The following PID1 variants were observed in gnomAD, a reference collection of about 807,000 sequenced individuals.
The protein encoded by PID1 is PTB-containing, cubilin and LRP1-interacting protein.
In PID1, 10 loss-of-function variants were observed where a neutral mutation model predicts 19.1. That is an observed-to-expected ratio of 0.52 (90% CI 0.32 to 0.89). The LOEUF (loss-of-function observed/expected upper bound fraction) is 0.89. Among genes scored for constraint, PID1 ranks in the 40% least tolerant of loss-of-function variants. The pLI, the probability that PID1 is intolerant of heterozygous loss-of-function variation, is 0.03. For missense variants in PID1, 248 were observed against 285.3 expected, an observed-to-expected ratio of 0.87 and a Z score of 0.94; for synonymous variants, 130 against 116.0, an observed-to-expected ratio of 1.12 and a Z score of -0.78.
intron 2 of PID1, among the ~76,000 whole-genome samples, chr2:229,082,129 C>T (rs549922461): frequency 6.6e-6 from 1 of 152,206 alleles, no homozygotes; most frequent in African/African-American, 2.4e-5. Flanking sequence ...TGAGATGTCA[C>T]CATGATACTC....
intron 2 of PID1, among the ~76,000 whole-genome samples, chr2:229,038,605 A>T (rs1693708875): frequency 1.3e-5 from 2 of 152,218 alleles, no homozygotes; most frequent in Admixed American, 1.3e-4. Flanking sequence ...TATTAATACT[A>T]ATTGTAAGGA....
At chr2:229,163,646 A>AGTGTGTGTGTGT (rs781261716) in intron 1 of PID1, among the ~76,000 whole-genome samples, 6 of 136,806 alleles carry the variant, frequency 4.4e-5, no homozygotes, top group Admixed American at 1.5e-4. Flanking sequence ...AGGGAGAGAG[A>AGTGTGTGTGTGT]GAGAGTGTGT....
Position 229,069,172 on chromosome 2 carries a change from TGTGTGTGA to T in PID1, c.178-43072_178-43065del, listed in dbSNP as rs1212557224. ...GTGTGTGTGTGTGTGTGTGTGTGTG[TGTGTGTGA>T]GATGAGGGAGCAAGTAGGGTCAGGT... On this transcript the variant is annotated intron_variant, in intron 2 of 2. Transcript: ENST00000392055. 1.5e-4 allele frequency among the ~76,000 whole-genome samples: 23 copies of T among 151,688 alleles called. No homozygotes were observed. In the South Asian group the frequency reaches 2.7e-3, roughly 18 times the overall value.
chr2:229,138,421 C>T (rs1293987134), intron 2 of PID1, among the ~76,000 whole-genome samples: 1 of 151,950 alleles, frequency 6.6e-6, no homozygotes, highest in African/African-American at 2.4e-5. Flanking sequence ...TGGAGAAGTC[C>T]CTGCGTTCCC....
intron 2 of PID1, among the ~76,000 whole-genome samples, chr2:229,053,556 G>A (rs1369062191): frequency 6.6e-6 from 1 of 152,170 alleles, no homozygotes; most frequent in African/African-American, 2.4e-5. Flanking sequence ...GCTGCATGGG[G>A]CTTCAAGGAA....
intron 2 of PID1, among the ~76,000 whole-genome samples, chr2:229,103,071 C>T (rs557881343): frequency 3.9e-5 from 6 of 152,292 alleles, no homozygotes; most frequent in South Asian, 2.1e-4. Flanking sequence ...TAACCTCTTC[C>T]GGGCAAAGGT....
At chr2:229,043,057 G>A (rs1693805451) in intron 2 of PID1, among the ~76,000 whole-genome samples, 1 of 150,606 alleles carries the variant, frequency 6.6e-6, no homozygotes, top group Non-Finnish European at 1.5e-5. Context: ...CCAGGCTGAA[G>A]TGCAGTGGAG....
intron 2 of PID1, among the ~76,000 whole-genome samples, chr2:229,098,017 G>A (rs1695004063): frequency 6.6e-6 from 1 of 152,160 alleles, no homozygotes; most frequent in South Asian, 2.1e-4. Flanking sequence ...ATGAGCTTTA[G>A]GTCCAACAAA....
rs569110393 is a variant in PID1, at chr2:229,210,393, G to A, written c.31-54429C>T. 6.9e-5 allele frequency among the ~76,000 whole-genome samples: 9 copies of A among 130,590 alleles called. No individual in the cohort carries two copies. The South Asian group carries it at 2.8e-3, about 41-fold the overall frequency. The allele number at this position is 130,590 out of a possible 152,430, so 85.7% of individuals were successfully genotyped here. On this transcript the variant is annotated intron_variant, in intron 1 of 2. Coordinates refer to ENST00000392055, the MANE Select transcript of PID1 (RefSeq NM_001100818.2). Reference sequence around the variant, plus strand: ...CTGGGCATGGTGGCAGGCACCTGTAGTCCCAGCTACTGGGGAGAGTGAGGC... The same window carrying A: ...CTGGGCATGGTGGCAGGCACCTGTAATCCCAGCTACTGGGGAGAGTGAGGC...
intron 2 of PID1, among the ~76,000 whole-genome samples, chr2:229,083,615 A>C (rs1694708955): frequency 6.6e-6 from 1 of 152,218 alleles, no homozygotes. Flanking sequence ...AAGCAGTGAA[A>C]ATATATGGGT....
intron 2 of PID1, among the ~76,000 whole-genome samples, chr2:229,027,972 C>T (rs1693462613): frequency 6.6e-6 from 1 of 152,112 alleles, no homozygotes; most frequent in Non-Finnish European, 1.5e-5. Context: ...CTCAGACTTT[C>T]CTGATGCCAG....
At chr2:229,042,296 T>C (rs1234595377) in intron 2 of PID1, among the ~76,000 whole-genome samples, 6 of 152,210 alleles carry the variant, frequency 3.9e-5, no homozygotes, top group African/African-American at 9.6e-5. Context: ...TTTTTCAACT[T>C]CTTTTGTTAA....
intron 2 of PID1, among the ~76,000 whole-genome samples, chr2:229,046,381 C>CGTGT (rs532823161): frequency 9.8e-5 from 9 of 91,392 alleles, no homozygotes; most frequent in African/African-American, 4.0e-4. Flanking sequence ...TGTGTGTGTG[C>CGTGT]GTGTGTGTGT....
intron 1 of PID1, among the ~76,000 whole-genome samples, chr2:229,221,785 C>T (rs190536341): frequency 6.4e-4 from 98 of 152,324 alleles, no homozygotes; most frequent in African/African-American, 2.2e-3. Flanking sequence ...AAACTCAACA[C>T]GGAACCTGGC....
chr2:229,189,531 C>G lies in PID1; in HGVS notation c.31-33567G>C, dbSNP rs112461147. Among the ~76,000 whole-genome samples the G allele has an allele frequency of 5.6e-3, 860 of 152,266 alleles. 7 individuals carry two copies. The highest frequency in any genetic ancestry group is 0.02 in the African/African-American group (818 of 41,560). On this transcript the variant is annotated intron_variant, in intron 1 of 2. Coordinates refer to ENST00000392055, the MANE Select transcript of PID1 (RefSeq NM_001100818.2). ...CCAACATGGTGAAACCCCATCTCTA[C>G]TAAAAACACAAAATAAATAGCTGGG...
At chr2:229,101,816 A>G (rs936959537) in intron 2 of PID1, among the ~76,000 whole-genome samples, 2 of 152,168 alleles carry the variant, frequency 1.3e-5, no homozygotes, top group African/African-American at 4.8e-5. Context: ...GCAGATTAAG[A>G]GCCTCCAAAA....
chr2:229,065,462 T>C (rs1030239405), intron 2 of PID1, among the ~76,000 whole-genome samples: 1 of 152,178 alleles, frequency 6.6e-6, no homozygotes, highest in African/African-American at 2.4e-5. Context: ...TGCTGTCATA[T>C]GGAATATTAA....
At chr2:229,140,063 T>C (rs1054561096) in intron 2 of PID1, among the ~76,000 whole-genome samples, 1 of 152,124 alleles carries the variant, frequency 6.6e-6, no homozygotes, top group South Asian at 2.1e-4. Context: ...TCCATGTCCT[T>C]AGCGTGGTAC....
intron 1 of PID1, among the ~76,000 whole-genome samples, chr2:229,177,587 ATT>A (rs1690850630): frequency 6.6e-6 from 1 of 151,948 alleles, no homozygotes; most frequent in East Asian, 1.9e-4. Flanking sequence ...CAAGTGACTT[ATT>A]TTCATGAGTG....
Sources: gnomAD v4.1 joint callset for allele counts (sites outside exome capture counted in the v4.1 genomes callset) on GRCh38, gnomAD v4.1.1 for gene constraint, MANE v1.5 for transcripts, NCBI Gene and HGNC (gene_info 2026-07-23, HGNC 2026-07-21) for gene names.